PDK1: variants seen among roughly 807,000 people sequenced by gnomAD.
PDK1 encodes the protein pyruvate dehydrogenase kinase 1.
Under a neutral mutation model 54.2 loss-of-function variants are expected in PDK1, and 39 were observed. The observed-to-expected ratio is 0.72, with a 90% CI of 0.56 to 0.94. The LOEUF (loss-of-function observed/expected upper bound fraction) is 0.94, where lower values mean the gene tolerates loss of function less well. Among genes scored for constraint, PDK1 ranks in the 40% least tolerant of loss-of-function variants. The probability of loss-of-function intolerance (pLI) is 0.00; values close to 1 mark genes in which losing one functional copy is unlikely to be tolerated. For missense variants in PDK1, 552 were observed against 566.0 expected (o/e 0.98, Z 0.25); for synonymous variants, 221 against 207.1 (o/e 1.07, Z -0.58).
At chr2:172,706,859 G>C in the PDK1 span, among the ~76,000 whole-genome samples, 3 of 152,282 alleles carry the variant, frequency 2.0e-5, no homozygotes, top group African/African-American at 7.2e-5. Context: ...TCCATTACTG[G>C]CCAGTGAGGG....
At chr2:172,634,769 A>G in the PDK1 span, among the ~76,000 whole-genome samples, 1 of 80,348 alleles carries the variant, frequency 1.2e-5, no homozygotes, top group Non-Finnish European at 3.1e-5. Flanking sequence ...TATTCTTAAA[A>G]TGCAAAAAAA....
intron 9 of PDK1, among the ~76,000 whole-genome samples, chr2:172,590,380 G>T (rs1468423164): frequency 6.6e-6 from 1 of 152,160 alleles, no homozygotes; most frequent in Non-Finnish European, 1.5e-5. Context: ...TTTAAAGATG[G>T]TGTGTCTGGA....
intron 8 of PDK1, among the ~76,000 whole-genome samples, chr2:172,573,955 A>G (rs141322413): frequency 8.3e-4 from 126 of 151,306 alleles, no homozygotes; most frequent in African/African-American, 2.9e-3. Context: ...AAAATTTTCA[A>G]TTTTTTTTTC....
At chr2:172,682,460 T>C in the PDK1 span, among the ~76,000 whole-genome samples, 2 of 152,226 alleles carry the variant, frequency 1.3e-5, no homozygotes, top group African/African-American at 4.8e-5. Context: ...GTGGTGGAGA[T>C]GGCCAGCAGA....
At chr2:172,628,596 C>G in the PDK1 span, among the ~76,000 whole-genome samples, 1 of 152,052 alleles carries the variant, frequency 6.6e-6, no homozygotes, top group Non-Finnish European at 1.5e-5. Flanking sequence ...ATAACTATTT[C>G]TGGGTGAGTT....
the PDK1 span, among the ~76,000 whole-genome samples, chr2:172,621,555 T>A: frequency 3.5e-5 from 5 of 141,776 alleles, 1 homozygote; most frequent in South Asian, 1.0e-3. Flanking sequence ...TATATATATA[T>A]GTTTATATAT....
Position 172,588,054 on chromosome 2 carries a change from C to T in PDK1, c.1056+1666C>T, listed in dbSNP as rs375927220. ...TTTCACCTCTCAGTTTTGCCTGATG[C>T]ATAGCACAAATGCTATGGCTGCAGC... On this transcript the variant is annotated intron_variant, in intron 9 of 10. Coordinates refer to ENST00000282077, the MANE Select transcript of PDK1 (RefSeq NM_002610.5). Among the ~76,000 whole-genome samples, 83 of 152,332 alleles carry T rather than the reference C, an allele frequency of 5.4e-4. 1 individual carries two copies. Among genetic ancestry groups the T allele is most frequent in the Middle Eastern group, 6.8e-3 (2 of 294 alleles).
chr2:172,580,737 T>C (rs1381863243), intron 8 of PDK1, among the ~76,000 whole-genome samples: 1 of 152,172 alleles, frequency 6.6e-6, no homozygotes, highest in Non-Finnish European at 1.5e-5. Context: ...ATAAACAAAA[T>C]GTGGTATGTC....
intron 1 of PDK1, among the ~76,000 whole-genome samples, chr2:172,557,645 G>A (rs13001367): frequency 6.1e-4 from 80 of 131,300 alleles, no homozygotes; most frequent in Middle Eastern, 3.7e-3. Flanking sequence ...GTGTGTGTGT[G>A]TATTTTTTTT....
chr2:172,603,730 C>G lies in PDK1; in HGVS notation c.*7761C>G, dbSNP rs983174215. 6.6e-6 allele frequency: 1 copy of G among 152,144 alleles called. No individual in the cohort carries two copies. Among genetic ancestry groups the G allele is most frequent in the Non-Finnish European group, 1.5e-5 (1 of 68,034 alleles). 9.4% of individuals were successfully genotyped at this position (152,144 alleles called of 1,614,324 possible). A position where few individuals can be genotyped will look rare whatever the true frequency, so the allele number is the denominator to read the frequency against. ...GTGGATCTAGTCTCCAGGGTTAGAT[C>G]CAGGCAGGTAACATCAAAGTCAGTT... On this transcript the variant is annotated 3_prime_UTR_variant, in exon 11 of 11. Transcript: ENST00000282077.
chr2:172,617,604 G>A, the PDK1 span, among the ~76,000 whole-genome samples: 1 of 152,068 alleles, frequency 6.6e-6, no homozygotes, highest in Admixed American at 6.5e-5. Context: ...ACCAACTCCT[G>A]CAGGCCATTT....
At chr2:172,577,068 T>G (rs1689620054) in intron 8 of PDK1, among the ~76,000 whole-genome samples, 1 of 152,232 alleles carries the variant, frequency 6.6e-6, no homozygotes, top group Non-Finnish European at 1.5e-5. Context: ...CAATTATTGT[T>G]GAATTGTCTA....
the PDK1 span, among the ~76,000 whole-genome samples, chr2:172,719,589 T>G: frequency 6.6e-6 from 1 of 152,194 alleles, no homozygotes; most frequent in African/African-American, 2.4e-5. Flanking sequence ...CCATCTTGCT[T>G]TATTTCCAGT....
the PDK1 span, among the ~76,000 whole-genome samples, chr2:172,704,587 T>G: frequency 6.6e-6 from 1 of 152,136 alleles, no homozygotes; most frequent in Non-Finnish European, 1.5e-5. Flanking sequence ...AGAGCCAGGG[T>G]ATACTCTTGA....
the PDK1 span, among the ~76,000 whole-genome samples, chr2:172,630,657 C>T: frequency 6.7e-6 from 1 of 150,204 alleles, no homozygotes; most frequent in Admixed American, 6.6e-5. Context: ...TGAGACAGGG[C>T]CTCATTCTGT....
chr2:172,690,161 A>G, the PDK1 span, among the ~76,000 whole-genome samples: 1 of 150,552 alleles, frequency 6.6e-6, no homozygotes, highest in African/African-American at 2.4e-5. Flanking sequence ...CAAGAAAAAA[A>G]CAAACAACCG....
chr2:172,556,417 C>A, intron 1 of PDK1, 71 bp downstream of exon 1: 1 of 1,201,082 alleles, frequency 8.3e-7, no homozygotes, highest in Non-Finnish European at 1.1e-6. Context: ...CTGCCCCAGG[C>A]CGGGTCGGCG....
At chr2:172,609,160 A>C (rs772337866), downstream of PDK1, among the ~76,000 whole-genome samples, 4 of 152,210 alleles carry the variant, frequency 2.6e-5, no homozygotes, top group Non-Finnish European at 5.9e-5. Flanking sequence ...CAATTCAAAG[A>C]GAAAGTTAGG....
intron 8 of PDK1, among the ~76,000 whole-genome samples, chr2:172,575,034 A>G (rs1460029163): frequency 6.6e-6 from 1 of 152,092 alleles, no homozygotes; most frequent in Non-Finnish European, 1.5e-5. Context: ...GATTGAGGAA[A>G]TTTGCCTGTA....
Sources: gnomAD v4.1 joint callset for allele counts (sites outside exome capture counted in the v4.1 genomes callset) on GRCh38, gnomAD v4.1.1 for gene constraint, MANE v1.5 for transcripts, NCBI Gene and HGNC (gene_info 2026-07-23, HGNC 2026-07-21) for gene names.